Variants in CHST12 observed in about 807,000 individuals in gnomAD.
The protein encoded by CHST12 is carbohydrate sulfotransferase 12.
CHST12 carries 23 observed loss-of-function variants against 27.9 expected under a neutral mutation model. The ratio of observed to expected loss-of-function variants is 0.82; its 90% CI spans 0.59 to 1.17. The LOEUF is 1.17. CHST12 is among the 50% of genes most tolerant of loss of function. CHST12 has a pLI of 0.00. For synonymous variants in CHST12, 322 were observed against 273.0 expected (o/e 1.18, Z -1.77); for missense variants, 682 against 603.0 (o/e 1.13, Z -1.37).
At chr7:2,419,296 TAC>T (rs1781899084) in intron 1 of CHST12, among the ~76,000 whole-genome samples, 1 of 149,068 alleles carries the variant, frequency 6.7e-6, no homozygotes, top group Non-Finnish European at 1.5e-5. Context: ...GTAACCCAGC[TAC>T]TCAGGAGGCT....
Position 2,431,469 on chromosome 7 carries a change from G to A in CHST12, c.-77-1094G>A, listed in dbSNP as rs113952678. ...AGAGTTGGAGTTCAGCTCCTACTGG[G>A]CCCTGACCTGGCTGGGGGAGAGGGA... On this transcript the variant is annotated intron_variant, in intron 1 of 1. Coordinates refer to ENST00000618655, the MANE Select transcript of CHST12 (RefSeq NM_018641.5). 5.1e-3 allele frequency among the ~76,000 whole-genome samples: 776 copies of A among 152,306 alleles called. 6 individuals carry two copies. The highest frequency in any genetic ancestry group is 0.018 in the African/African-American group (756 of 41,548).
chr7:2,412,968 T>C (rs186905678), intron 1 of CHST12, among the ~76,000 whole-genome samples: 4 of 152,278 alleles, frequency 2.6e-5, no homozygotes, highest in African/African-American at 9.6e-5. Context: ...TAACACATAT[T>C]TGTGTAACAA....
chr7:2,445,420 G>A lies in CHST12; in HGVS notation c.*11536G>A, dbSNP rs1782723853. On this transcript the variant is annotated 3_prime_UTR_variant, in exon 2 of 2. Coordinates refer to ENST00000618655, the MANE Select transcript of CHST12 (RefSeq NM_018641.5). ...AGGGTGCTTGTCTCTTGGTGAGAGG[G>A]CCACGGTTCCTTCAGTTTCTCCGTT... 1 of 152,218 alleles carries A rather than the reference G, an allele frequency of 6.6e-6. No homozygotes were observed. Among genetic ancestry groups the A allele is most frequent in the Non-Finnish European group, 1.5e-5 (1 of 68,050 alleles). 9.4% of individuals were successfully genotyped at this position (152,218 alleles called of 1,614,324 possible).
intron 1 of CHST12, among the ~76,000 whole-genome samples, chr7:2,407,501 A>G (rs1781554355): frequency 6.6e-6 from 1 of 152,172 alleles, no homozygotes; most frequent in South Asian, 2.1e-4. Context: ...AAAAATAGGG[A>G]AAACAGGATG....
At position 2,433,056 on chromosome 7, in the gene CHST12, C is replaced by T. The variant is rs146489115; in HGVS notation, c.417C>T (p.Phe139=). 1.8e-4 allele frequency: 287 copies of T among 1,611,894 alleles called. No individual in the cohort carries two copies. Among genetic ancestry groups the T allele is most frequent in the Non-Finnish European group, 2.3e-4 (270 of 1,179,666 alleles). Residue 139 remains phenylalanine (F), a synonymous_variant, in exon 2 of 2, where the codon TTC becomes TTT. Transcript: ENST00000618655. This position sits in a 1 kb window ranked among gnomAD's most constrained non-coding sequence, Gnocchi z 6.1. ...RGFCANSSLA[F]PTKERAFDDI... ...TCTGCGCCAACTCCAGCCTGGCCTT[C>T]CCCACCAAGGAGCGCGCATTCGACG...
At chr7:2,407,691 A>G (rs796341104) in intron 1 of CHST12, among the ~76,000 whole-genome samples, 21 of 151,640 alleles carry the variant, frequency 1.4e-4, no homozygotes, top group African/African-American at 4.1e-4. Flanking sequence ...AATCCCAGCA[A>G]TTTAGGAGGT....
Position 2,433,892 on chromosome 7 carries a change from C to G in CHST12, c.*8C>G. 1 of 1,551,014 alleles carries G rather than the reference C, an allele frequency of 6.4e-7. No individual in the cohort carries two copies. Among genetic ancestry groups the G allele is most frequent in the East Asian group, 2.3e-5 (1 of 43,972 alleles). ...AACCTCCTCCGAGACTGAAAGCTTT[C>G]GCGTTGCTTTTTCTCGCGTGCCTGG... On this transcript the variant is annotated 3_prime_UTR_variant, in exon 2 of 2. Coordinates refer to ENST00000618655, the MANE Select transcript of CHST12 (RefSeq NM_018641.5). The surrounding 1 kb of genome is among the most constrained non-coding windows in gnomAD (Gnocchi z 6.1).
At chr7:2,418,044 C>T (rs955873726) in intron 1 of CHST12, among the ~76,000 whole-genome samples, 2 of 152,242 alleles carry the variant, frequency 1.3e-5, no homozygotes, top group Non-Finnish European at 2.9e-5. Flanking sequence ...CAGCTGAACA[C>T]GAGTGAGCTA....
In CHST12 at chr7:2,445,253, G is replaced by A. The variant is rs1782720167; in HGVS notation, c.*11369G>A. On this transcript the variant is annotated 3_prime_UTR_variant, in exon 2 of 2. Coordinates refer to ENST00000618655, the MANE Select transcript of CHST12 (RefSeq NM_018641.5). ...ACGTAGGGTGGGCAGGGCCACCCTTGTCCTGGGATGTTGTGGAGGACTTGG... is the reference window on the plus strand; with the variant it reads ...ACGTAGGGTGGGCAGGGCCACCCTTATCCTGGGATGTTGTGGAGGACTTGG... The A allele has an allele frequency of 6.6e-6, 1 of 152,294 alleles. No individual in the cohort carries two copies. Among genetic ancestry groups the A allele is most frequent in the South Asian group, 2.1e-4 (1 of 4,834 alleles). 9.4% of individuals were successfully genotyped at this position (152,294 alleles called of 1,614,324 possible). A position where few individuals can be genotyped will look rare whatever the true frequency, so the allele number is the denominator to read the frequency against.
rs202038444 is a variant in CHST12 at position 2,432,918 on chromosome 7, G to A, written c.279G>A (p.Ala93=). 4.2e-5 allele frequency: 68 copies of A among 1,612,916 alleles called. No homozygotes were observed. The highest frequency in any genetic ancestry group is 8.9e-5 in the East Asian group (4 of 44,880). The change falls in exon 2 of 2, where the codon GCG becomes GCA. Residue 93 remains alanine (A), a synonymous_variant. Coordinates refer to ENST00000618655, the MANE Select transcript of CHST12 (RefSeq NM_018641.5). ...GAAAGGAGACGGAGCAGCCGCCTGCGCCGGGGAGCATGGAGGAGAGCGTGA... is the reference window on the plus strand; with the variant it reads ...GAAAGGAGACGGAGCAGCCGCCTGCACCGGGGAGCATGGAGGAGAGCGTGA... The part of the protein sequence containing the change: ...LPRKETEQPP[A]PGSMEESVRG...
At chr7:2,415,772 C>T (rs558734993) in intron 1 of CHST12, among the ~76,000 whole-genome samples, 1 of 152,186 alleles carries the variant, frequency 6.6e-6, no homozygotes, top group East Asian at 1.9e-4. Context: ...GCCACCACGC[C>T]TGGCTAATTT....
At chr7:2,419,144 C>T (rs1206125340) in intron 1 of CHST12, among the ~76,000 whole-genome samples, 1 of 152,120 alleles carries the variant, frequency 6.6e-6, no homozygotes, top group Non-Finnish European at 1.5e-5. Flanking sequence ...CGTGGTGGCT[C>T]ATGCCTGTAT....
chr7:2,431,056 C>G (rs1308459658), intron 1 of CHST12, among the ~76,000 whole-genome samples: 1 of 152,096 alleles, frequency 6.6e-6, no homozygotes, highest in African/African-American at 2.4e-5. Flanking sequence ...GATTTTCTGC[C>G]TCATAGTTTT....
intron 1 of CHST12, among the ~76,000 whole-genome samples, chr7:2,413,773 G>GGC (rs1277988623): frequency 7.1e-6 from 1 of 140,292 alleles, no homozygotes; most frequent in East Asian, 2.1e-4. Context: ...CTGTCGCCCA[G>GGC]GCTGGAGTGC....
rs780019697 is a variant in CHST12, at chr7:2,433,330, A to G, written c.691A>G (p.Met231Val). ...CTACGGGAAGCTCTCCCGCCACCTC[A>G]TGAAGGTCAAGCTCAAGAAGTACAC... Reference protein sequence around the residue: ...RRYGKLSRHLMKVKLKKYTKF... With the variant: ...RRYGKLSRHLVKVKLKKYTKF... The change falls in exon 2 of 2, where the codon ATG becomes GTG. Residue 231 changes from methionine (M) to valine (V), a missense_variant. By Grantham distance (21) the Met-to-Val change is conservative. Coordinates refer to ENST00000618655, the MANE Select transcript of CHST12 (RefSeq NM_018641.5). This position sits in a 1 kb window ranked among gnomAD's most constrained non-coding sequence, Gnocchi z 6.1. 1.2e-6 allele frequency: 2 copies of G among 1,612,674 alleles called. No individual in the cohort carries two copies. Among genetic ancestry groups the G allele is most frequent in the Non-Finnish European group, 1.7e-6 (2 of 1,179,798 alleles).
rs1562520102 is a variant in CHST12, at chr7:2,432,917, C to T, written c.278C>T (p.Ala93Val). 22 of 1,613,030 alleles carry T rather than the reference C, an allele frequency of 1.4e-5. No homozygotes were observed. Among genetic ancestry groups the T allele is most frequent in the East Asian group, 2.2e-5 (1 of 44,872 alleles). ...LPRKETEQPPAPGSMEESVRG... is the reference protein window; with the variant it reads ...LPRKETEQPPVPGSMEESVRG... ...AGAAAGGAGACGGAGCAGCCGCCTGCGCCGGGGAGCATGGAGGAGAGCGTG... is the reference window on the plus strand; with the variant it reads ...AGAAAGGAGACGGAGCAGCCGCCTGTGCCGGGGAGCATGGAGGAGAGCGTG... Residue 93 changes from alanine to valine, a missense_variant, in exon 2 of 2, where the codon GCG becomes GTG. Transcript: ENST00000618655.
At chr7:2,413,391 A>T (rs1781718206) in intron 1 of CHST12, among the ~76,000 whole-genome samples, 1 of 152,250 alleles carries the variant, frequency 6.6e-6, no homozygotes, top group Non-Finnish European at 1.5e-5. Flanking sequence ...AATCAAATGT[A>T]TTGAGTATGA....
At chr7:2,428,666 A>T (rs1257216570) in intron 1 of CHST12, among the ~76,000 whole-genome samples, 1 of 152,208 alleles carries the variant, frequency 6.6e-6, no homozygotes. Flanking sequence ...TTAACATAAC[A>T]TCTGTATGCA....
At chr7:2,416,252 C>T (rs897628315) in intron 1 of CHST12, among the ~76,000 whole-genome samples, 2 of 152,220 alleles carry the variant, frequency 1.3e-5, no homozygotes, top group African/African-American at 4.8e-5. Flanking sequence ...CATCTTCAGG[C>T]TCCACTTCTG....
Sources: gnomAD v4.1 joint callset for allele counts (sites outside exome capture counted in the v4.1 genomes callset) on GRCh38, gnomAD v4.1.1 for gene constraint, Gnocchi (gnomAD v3.1) non-coding constraint, MANE v1.5 for transcripts, NCBI Gene and HGNC (gene_info 2026-07-23, HGNC 2026-07-21) for gene names.